The following GIPC2 variants were observed in gnomAD, a reference collection of about 807,000 sequenced individuals.
The protein encoded by GIPC2 is GIPC PDZ domain containing family member 2.
In GIPC2, 30 loss-of-function variants were observed where a neutral mutation model predicts 30.6. That is an observed-to-expected ratio of 0.98 (90% CI 0.73 to 1.33). The LOEUF (loss-of-function observed/expected upper bound fraction) is 1.33, where lower values mean the gene tolerates loss of function less well. Ranked by LOEUF, GIPC2 falls within the 40% of genes most tolerant of loss-of-function variation. The pLI is 0.00. For synonymous variants in GIPC2, 167 were observed against 150.0 expected, an observed-to-expected ratio of 1.11 and a Z score of -0.83; for missense variants, 414 against 390.3, an observed-to-expected ratio of 1.06 and a Z score of -0.51.
chr1:78,100,990 GAGGT>G (rs1662240659), intron 3 of GIPC2, among the ~76,000 whole-genome samples: 2 of 146,120 alleles, frequency 1.4e-5, no homozygotes, highest in Non-Finnish European at 3.0e-5. Context: ...ACATACACAC[GAGGT>G]AGATGAGCAT....
At chr1:78,083,757 T>C (rs1159479664) in intron 2 of GIPC2, among the ~76,000 whole-genome samples, 4 of 152,220 alleles carry the variant, frequency 2.6e-5, no homozygotes, top group African/African-American at 7.2e-5. Flanking sequence ...ATCAATTATA[T>C]TGATGCTCAA....
intron 3 of GIPC2, among the ~76,000 whole-genome samples, chr1:78,096,943 C>T (rs1044163833): frequency 6.6e-6 from 1 of 152,140 alleles, no homozygotes; most frequent in Admixed American, 6.5e-5. Flanking sequence ...TGGATTGATT[C>T]TTGACTCTGG....
intron 3 of GIPC2, among the ~76,000 whole-genome samples, chr1:78,108,774 A>G (rs1662407730): frequency 6.6e-6 from 1 of 152,122 alleles, no homozygotes; most frequent in Admixed American, 6.5e-5. Context: ...GGTAGGGAGC[A>G]TGTGTTTATG....
Position 78,136,481 on chromosome 1 carries a change from A to G in GIPC2, c.*738A>G, listed in dbSNP as rs1180110326. On this transcript the variant is annotated 3_prime_UTR_variant, in exon 6 of 6. Coordinates refer to ENST00000370759, the MANE Select transcript of GIPC2 (RefSeq NM_017655.6). ...ATTTGATTTTTTTTTCAGTCCTTAA[A>G]ACATTATTTCTTTTTTTCACTCATA... is the stretch of plus-strand genomic sequence containing the variant. 6.6e-6 allele frequency: 1 copy of G among 151,904 alleles called. No individual in the cohort carries two copies. Among genetic ancestry groups the G allele is most frequent in the Non-Finnish European group, 1.5e-5 (1 of 67,926 alleles). 9.4% of individuals were successfully genotyped at this position (151,904 alleles called of 1,614,324 possible). A position where few individuals can be genotyped will look rare whatever the true frequency, so the allele number is the denominator to read the frequency against.
At chr1:78,092,203 GAA>G in intron 2 of GIPC2, 1 of 570,580 alleles carries the variant, frequency 1.8e-6, no homozygotes, top group Admixed American at 3.1e-5. Context: ...ATTGAAAGGG[GAA>G]AAAAAAGATT....
intron 1 of GIPC2, among the ~76,000 whole-genome samples, chr1:78,062,346 G>A (rs1469441924): frequency 1.3e-5 from 2 of 152,070 alleles, no homozygotes; most frequent in Non-Finnish European, 2.9e-5. Context: ...TTGGGTATTA[G>A]GTGCTGGTCA....
rs1182221150 is a variant in GIPC2, at chr1:78,046,075, C to T, written c.-20C>T. The T allele has an allele frequency of 5.0e-6, 7 of 1,413,048 alleles. No individual in the cohort carries two copies. The highest frequency in any genetic ancestry group is 4.6e-5 in the African/African-American group (3 of 65,418). 87.5% of individuals were successfully genotyped at this position (1,413,048 alleles called of 1,614,324 possible). On this transcript the variant is annotated 5_prime_UTR_variant, in exon 1 of 6. Transcript: ENST00000370759. ...CGGCGGACGGCAGCGCAGGTGGGCC[C>T]GCGCTCTCGGCCCTGCAAGATGCCC... is the stretch of plus-strand genomic sequence containing the variant.
rs1476241789 is a variant in GIPC2 at position 78,084,513 on chromosome 1, A to G, written c.426+3653A>G. 2.0e-5 allele frequency among the ~76,000 whole-genome samples: 3 copies of G among 150,730 alleles called. No individual in the cohort carries two copies. The Admixed American group carries it at 2.0e-4, about 10-fold the overall frequency. ...GCGACAGAGGGAGACTCTGTCTCAA[A>G]AAAAAAAAAAAAAAATTACGAACTC... On this transcript the variant is annotated intron_variant, in intron 2 of 5. Transcript: ENST00000370759.
intron 1 of GIPC2, among the ~76,000 whole-genome samples, chr1:78,076,985 G>T (rs188901049): frequency 1.6e-4 from 24 of 151,706 alleles, no homozygotes; most frequent in Non-Finnish European, 3.2e-4. Flanking sequence ...GGCCAGGCTA[G>T]TCTCGAACTC....
intron 1 of GIPC2, among the ~76,000 whole-genome samples, chr1:78,057,218 G>T (rs1661313098): frequency 6.6e-6 from 1 of 152,162 alleles, no homozygotes; most frequent in Non-Finnish European, 1.5e-5. Flanking sequence ...ATTTTGAAAA[G>T]TCTCTCCTAT....
At chr1:78,135,529 A>G (rs1662983863) in intron 5 of GIPC2, 63 bp from the exon 6 acceptor site, 1 of 988,672 alleles carries the variant, frequency 1.0e-6, no homozygotes, top group African/African-American at 1.7e-5. Flanking sequence ...TCCTGTTGCC[A>G]TTTTTCTCAG....
rs773075339 is a variant in GIPC2, at chr1:78,046,208, C to A, written c.114C>A (p.Pro38=). The change falls in exon 1 of 6, where the codon CCC becomes CCA. Residue 38 remains proline (P), a synonymous_variant. Transcript: ENST00000370759. ...GGAGCCTCTCAGCGTCCCGGGCTCC[C>A]GCACGCAGGCTGGTCTTCCACGCGC... The part of the protein sequence containing the change: ...GGGSLSASRA[P]ARRLVFHAQL... The A allele has an allele frequency of 6.3e-7, 1 of 1,593,336 alleles. No individual in the cohort carries two copies. The highest frequency in any genetic ancestry group is 1.7e-5 in the Admixed American group (1 of 57,464).
intron 1 of GIPC2, among the ~76,000 whole-genome samples, chr1:78,055,046 C>G (rs1321486666): frequency 3.3e-5 from 5 of 152,144 alleles, no homozygotes; most frequent in Non-Finnish European, 7.4e-5. Flanking sequence ...CTGTAACAGA[C>G]TATCAAAAAC....
intron 5 of GIPC2, among the ~76,000 whole-genome samples, chr1:78,131,137 A>G: frequency 7.0e-6 from 1 of 142,086 alleles, no homozygotes; most frequent in Admixed American, 6.8e-5. Context: ...CTATTTTTTA[A>G]ATCTATTTTT....
At chr1:78,117,403 A>G (rs773904129) in intron 3 of GIPC2, among the ~76,000 whole-genome samples, 5 of 152,034 alleles carry the variant, frequency 3.3e-5, no homozygotes, top group African/African-American at 1.2e-4. Flanking sequence ...ATGGAAGACA[A>G]TTTTTTTCCA....
At chr1:78,065,180 C>T (rs979383315) in intron 1 of GIPC2, among the ~76,000 whole-genome samples, 1 of 152,070 alleles carries the variant, frequency 6.6e-6, no homozygotes, top group African/African-American at 2.4e-5. Context: ...CATTATGTTG[C>T]CCAGGGTTAG....
At chr1:78,110,053 G>T (rs1662436929) in intron 3 of GIPC2, among the ~76,000 whole-genome samples, 1 of 152,110 alleles carries the variant, frequency 6.6e-6, no homozygotes, top group African/African-American at 2.4e-5. Flanking sequence ...GGGGGAAGGG[G>T]GAGGGATAGC....
chr1:78,081,991 T>C (rs1192685817), intron 2 of GIPC2, among the ~76,000 whole-genome samples: 5 of 152,198 alleles, frequency 3.3e-5, no homozygotes, highest in Admixed American at 6.5e-5. Flanking sequence ...CCCTTCCCAG[T>C]CAATAATCTT....
chr1:78,047,046 T>G (rs932410091), intron 1 of GIPC2, among the ~76,000 whole-genome samples: 4 of 152,350 alleles, frequency 2.6e-5, no homozygotes, highest in Admixed American at 2.6e-4. Flanking sequence ...TCAGCTCTTT[T>G]ACATCGTATC....
Sources: allele counts gnomAD v4.1 joint callset (sites outside exome capture counted in the v4.1 genomes callset), GRCh38; gene constraint gnomAD v4.1.1; transcripts MANE v1.5; gene names NCBI Gene and HGNC (gene_info 2026-07-23, HGNC 2026-07-21).